The following VWDE variants were observed in gnomAD, a reference collection of about 807,000 sequenced individuals.
The protein encoded by VWDE is von Willebrand factor D and EGF domains, also known as von Willebrand factor D and EGF domain-containing protein.
A neutral mutation model predicts 178.4 loss-of-function variants in VWDE; 207 were observed. The ratio of observed to expected loss-of-function variants is 1.16; its 90% confidence interval spans 1.04 to 1.30. The LOEUF (loss-of-function observed/expected upper bound fraction) is 1.30, where lower values mean the gene tolerates loss of function less well. Ranked by LOEUF, VWDE falls within the 50% of genes most tolerant of loss-of-function variation. VWDE has a pLI of 0.00. For synonymous variants in VWDE, 738 were observed against 651.4 expected (o/e 1.13, Z -2.02); for missense variants, 2,287 against 1,901.3 (o/e 1.20, Z -3.77).
At chr7:12,401,083 G>A (rs969152577) in intron 1 of VWDE, among the ~76,000 whole-genome samples, 2 of 152,014 alleles carry the variant, frequency 1.3e-5, no homozygotes, top group African/African-American at 4.8e-5. Flanking sequence ...GGATATATAC[G>A]AAAATCCCAT....
chr7:12,396,828 G>A (rs927867564), intron 1 of VWDE, among the ~76,000 whole-genome samples: 5 of 152,076 alleles, frequency 3.3e-5, no homozygotes, highest in South Asian at 4.2e-4. Flanking sequence ...CCAACTACTC[G>A]GGAGGCTGAG....
Position 12,377,904 on chromosome 7 carries a change from C to A in VWDE, c.896G>T (p.Ser299Ile). The change falls in exon 7 of 29, where the codon AGC (serine) becomes ATC (isoleucine). Residue 299 changes from serine (S) to isoleucine (I), a missense_variant. Coordinates refer to ENST00000275358, the MANE Select transcript of VWDE (RefSeq NM_001135924.3). ...TTCTTTCCCATCCTCTGATATAGTG[C>A]TCAATTCAGGCTGTAGCTGGTATAA... ...FAGFKLQPEL[S>I]TISEDGKEYY... is the part of the protein sequence containing the mutation. 6.8e-7 allele frequency: 1 copy of A among 1,474,058 alleles called. No homozygotes were observed. The highest frequency in any genetic ancestry group is 2.6e-5 in the Admixed American group (1 of 38,364). The allele number at this position is 1,474,058 out of a possible 1,614,324, so 91.3% of individuals were successfully genotyped here.
chr7:12,352,696 T>C (rs1235421144), intron 18 of VWDE, among the ~76,000 whole-genome samples: 8 of 152,142 alleles, frequency 5.3e-5, no homozygotes, highest in Non-Finnish European at 1.2e-4. Context: ...ACTGTGTTGC[T>C]CATATCTGTG....
chr7:12,355,514 G>A (rs990986532), intron 18 of VWDE, among the ~76,000 whole-genome samples: 2 of 151,720 alleles, frequency 1.3e-5, no homozygotes, highest in Admixed American at 1.3e-4. Flanking sequence ...AAAAATATCA[G>A]CTCATTAACT....
chr7:12,354,517 T>C, intron 18 of VWDE: 1 of 320,906 alleles, frequency 3.1e-6, no homozygotes, highest in Non-Finnish European at 6.1e-6. Flanking sequence ...AGAGCTCAGA[T>C]TATTTAATTT....
At chr7:12,355,574 T>A (rs1782195870) in intron 18 of VWDE, among the ~76,000 whole-genome samples, 1 of 152,188 alleles carries the variant, frequency 6.6e-6, no homozygotes. Context: ...CAGAAAATAT[T>A]CATATGAGTT....
At chr7:12,340,188 T>A in intron 24 of VWDE, 134 bp downstream of exon 24, 1 of 654,958 alleles carries the variant, frequency 1.5e-6, no homozygotes, top group Non-Finnish European at 2.6e-6. Context: ...TTGGTGGGCA[T>A]ACTTGAAACA....
At chr7:12,361,282 T>C in intron 14 of VWDE, 31 bp from the exon 15 acceptor site, 1 of 1,536,356 alleles carries the variant, frequency 6.5e-7, no homozygotes, top group Non-Finnish European at 8.8e-7. Flanking sequence ...AATAAGATGA[T>C]TTGTTCTAAA....
In VWDE at chr7:12,389,224, G is replaced by A; in HGVS notation, c.378C>T (p.Cys126=). The A allele has an allele frequency of 3.2e-6, 5 of 1,551,690 alleles. No individual in the cohort carries two copies. The highest frequency in any genetic ancestry group is 4.4e-6 in the Non-Finnish European group (5 of 1,146,986). ...CAGACACTGGGATTTGAAAGAGACA[G>A]CAGTCTTTTGTAGTGCTGAACAAAA... ...WQFLFSTTKD[C]CLFQIPVSVR... Residue 126 remains cysteine, a synonymous_variant, in exon 3 of 29, where the codon TGC becomes TGT. Coordinates refer to ENST00000275358, the MANE Select transcript of VWDE (RefSeq NM_001135924.3).
At chr7:12,392,613 T>A (rs1344347940) in intron 2 of VWDE, among the ~76,000 whole-genome samples, 1 of 152,178 alleles carries the variant, frequency 6.6e-6, no homozygotes, top group Non-Finnish European at 1.5e-5. Context: ...GCAAGATAGC[T>A]GAGGGACAAC....
intron 18 of VWDE, chr7:12,354,632 C>G (rs555650551): frequency 5.3e-6 from 1 of 187,534 alleles, no homozygotes; most frequent in African/African-American, 2.4e-5. Flanking sequence ...CAGAAGTATG[C>G]TGTTTTTAAA....
rs1312939136 is a variant in VWDE, at chr7:12,342,108, T to C, written c.4221A>G (p.Pro1407=). Reference sequence around the variant, plus strand: ...AGCCAGGTTTGCACTGGCAAATATCTGGTGTAAGACACTGGCCTCCATTTT... The same window carrying C: ...AGCCAGGTTTGCACTGGCAAATATCCGGTGTAAGACACTGGCCTCCATTTT... ...HCENGGQCLT[P]DICQCKPGWY... is the part of the protein sequence containing the mutation. Residue 1407 remains proline, a synonymous_variant, in exon 23 of 29, where the codon CCA becomes CCG. Transcript: ENST00000275358. 3 of 1,551,604 alleles carry C rather than the reference T, an allele frequency of 1.9e-6. No homozygotes were observed. Among genetic ancestry groups the C allele is most frequent in the East Asian group, 4.9e-5 (2 of 40,906 alleles).
chr7:12,351,615 C>T lies in VWDE; in HGVS notation c.3844G>A (p.Gly1282Arg). The T allele has an allele frequency of 1.3e-6, 2 of 1,549,912 alleles. No homozygotes were observed. The highest frequency in any genetic ancestry group is 1.7e-6 in the Non-Finnish European group (2 of 1,146,256). The change falls in exon 19 of 29, where the codon GGG becomes AGG. Residue 1282 changes from glycine (G) to arginine (R), a missense_variant. Coordinates refer to ENST00000275358, the MANE Select transcript of VWDE (RefSeq NM_001135924.3). ...GTTGGCTTAACATGCCTCTTTCTCCCTTGGGCATTTTTATCATCCTCTTCT... is the reference window on the plus strand; with the variant it reads ...GTTGGCTTAACATGCCTCTTTCTCCTTTGGGCATTTTTATCATCCTCTTCT... ...NKEEDDKNAQ[G>R]RKRHVKPTSG...
chr7:12,358,397 T>A (rs1367111684), intron 16 of VWDE, among the ~76,000 whole-genome samples: 1 of 149,330 alleles, frequency 6.7e-6, no homozygotes, highest in Non-Finnish European at 1.5e-5. Flanking sequence ...TGGGGGGGGC[T>A]ATTTTAGAGG....
intron 19 of VWDE, among the ~76,000 whole-genome samples, chr7:12,348,155 C>G (rs1183668279): frequency 6.7e-6 from 1 of 149,738 alleles, no homozygotes; most frequent in African/African-American, 2.5e-5. Context: ...ATTCAGGACA[C>G]AGGCATGGGC....
chr7:12,352,119 C>A (rs778798989), intron 18 of VWDE, among the ~76,000 whole-genome samples: 3 of 152,152 alleles, frequency 2.0e-5, no homozygotes, highest in Non-Finnish European at 2.9e-5. Flanking sequence ...ACCCTACTCG[C>A]ACCTTAATCT....
Position 12,374,686 on chromosome 7 carries a change from T to C in VWDE, c.1316+3A>G. 1 of 1,527,178 alleles carries C rather than the reference T, an allele frequency of 6.5e-7. No homozygotes were observed. Among genetic ancestry groups the C allele is most frequent in the Non-Finnish European group, 8.8e-7 (1 of 1,134,138 alleles). The allele number at this position is 1,527,178 out of a possible 1,614,324, so 94.6% of individuals were successfully genotyped here. ...CTAAAAGAAGAAACTTTCAGAAAAT[T>C]ACCTGCCATCAAATGTAATTATATG... On this transcript the variant is annotated splice_donor_region_variant and intron_variant, in intron 9 of 28. Transcript: ENST00000275358.
intron 1 of VWDE, among the ~76,000 whole-genome samples, chr7:12,395,155 G>A (rs1295025531): frequency 6.6e-6 from 1 of 151,982 alleles, no homozygotes; most frequent in Non-Finnish European, 1.5e-5. Flanking sequence ...TTCCATAGTT[G>A]TTAACTTCCC....
chr7:12,370,127 C>A lies in VWDE; in HGVS notation c.2179G>T (p.Ala727Ser), dbSNP rs751265708. Reference protein sequence around the residue: ...NEKEDSLQYLANKKYTQGRGS... With the variant: ...NEKEDSLQYLSNKKYTQGRGS... The stretch of plus-strand genomic sequence containing the variant: ...CGGCCTTGTGTATATTTCTTATTGG[C>A]CAAATATTGTAGTGAATCTTCTTTC... The change falls in exon 12 of 29, where the codon GCC becomes TCC. Residue 727 changes from alanine (A) to serine (S), a missense_variant. Ala to Ser is a moderately conservative substitution (Grantham distance 99). Coordinates refer to ENST00000275358, the MANE Select transcript of VWDE (RefSeq NM_001135924.3). The A allele has an allele frequency of 6.4e-7, 1 of 1,551,470 alleles. No homozygotes were observed. Among genetic ancestry groups the A allele is most frequent in the South Asian group, 1.2e-5 (1 of 84,060 alleles).
Sources: allele counts gnomAD v4.1 joint callset (sites outside exome capture counted in the v4.1 genomes callset), GRCh38; gene constraint gnomAD v4.1.1; transcripts MANE v1.5; gene names NCBI Gene and HGNC (gene_info 2026-07-23, HGNC 2026-07-21).